Variants in NCKAP5 observed in about 807,000 individuals in gnomAD.
NCKAP5 encodes nck-associated protein 5.
A neutral mutation model predicts 167.0 loss-of-function variants in NCKAP5; 92 were observed. That is an observed-to-expected ratio of 0.55 (90% CI 0.47 to 0.66). The LOEUF (loss-of-function observed/expected upper bound fraction) is 0.66. Ranked by LOEUF, NCKAP5 falls within the 30% of genes least tolerant of loss-of-function variation. NCKAP5 has a pLI of 0.00. For synonymous variants in NCKAP5, 891 were observed against 877.4 expected (o/e 1.02, Z -0.27); for missense variants, 2,378 against 2,315.0 (o/e 1.03, Z -0.56).
intron 6 of NCKAP5, among the ~76,000 whole-genome samples, chr2:133,044,292 A>G (rs1162691426): frequency 1.3e-5 from 2 of 152,196 alleles, no homozygotes; most frequent in East Asian, 3.8e-4. Flanking sequence ...ACGCAAATAA[A>G]AACATCAAAA....
At chr2:132,762,616 C>A (rs2104868077) in intron 16 of NCKAP5, among the ~76,000 whole-genome samples, 1 of 152,278 alleles carries the variant, frequency 6.6e-6, no homozygotes, top group Admixed American at 6.5e-5. Context: ...TAATTCACGC[C>A]ACCTCGTAGG....
At chr2:133,217,453 T>C (rs951225217) in intron 4 of NCKAP5, among the ~76,000 whole-genome samples, 1 of 152,140 alleles carries the variant, frequency 6.6e-6, no homozygotes, top group African/African-American at 2.4e-5. Context: ...GATATTTAAC[T>C]TCTCATCTAA....
chr2:132,830,748 G>T (rs1687464981), intron 11 of NCKAP5, among the ~76,000 whole-genome samples: 1 of 152,178 alleles, frequency 6.6e-6, no homozygotes, highest in Non-Finnish European at 1.5e-5. Context: ...ACAAAAGGCA[G>T]TAATTTTCAA....
chr2:133,474,135 T>TCTATCTATCTAG (rs1170636141), intron 3 of NCKAP5, among the ~76,000 whole-genome samples: 4 of 146,156 alleles, frequency 2.7e-5, no homozygotes, highest in African/African-American at 1.1e-4. Context: ...TATCTATCTA[T>TCTATCTATCTAG]CTATCTATCT....
At chr2:133,273,665 A>T (rs1329300179) in intron 4 of NCKAP5, among the ~76,000 whole-genome samples, 1 of 152,054 alleles carries the variant, frequency 6.6e-6, no homozygotes, top group Non-Finnish European at 1.5e-5. Context: ...AAAATTCTTA[A>T]GAAAACTTAA....
At chr2:132,792,994 C>T (rs765690312) in intron 12 of NCKAP5, among the ~76,000 whole-genome samples, 15 of 151,888 alleles carry the variant, frequency 9.9e-5, no homozygotes, top group Admixed American at 2.0e-4. Context: ...TTGAGATGCT[C>T]TGTTTTGTTT....
chr2:133,054,249 A>G lies in NCKAP5; in HGVS notation c.342-60010T>C, dbSNP rs868642161. On this transcript the variant is annotated intron_variant, in intron 6 of 19. Transcript: ENST00000409261. ...TGATGGAGATCACACCTTGTTTAAT[A>G]AAGTATTAGCAATATGATGGTATGT... is the stretch of plus-strand genomic sequence containing the variant. Among the ~76,000 whole-genome samples, 23 of 152,350 alleles carry G rather than the reference A, an allele frequency of 1.5e-4. No homozygotes were observed. In the Middle Eastern group the frequency reaches 0.01, roughly 68 times the overall value.
intron 19 of NCKAP5, among the ~76,000 whole-genome samples, chr2:132,700,564 C>A (rs1359126913): frequency 3.9e-5 from 6 of 152,138 alleles, no homozygotes; most frequent in Admixed American, 3.9e-4. Flanking sequence ...TTTCCCAGCA[C>A]CATTTATTAA....
intron 10 of NCKAP5, among the ~76,000 whole-genome samples, chr2:132,861,933 C>T (rs1294083963): frequency 1.3e-5 from 2 of 152,232 alleles, no homozygotes; most frequent in East Asian, 3.8e-4. Context: ...CAATGCCACA[C>T]ATAGTAGGAG....
chr2:132,689,925 T>C (rs941035660), intron 19 of NCKAP5, among the ~76,000 whole-genome samples: 1 of 152,220 alleles, frequency 6.6e-6, no homozygotes, highest in Non-Finnish European at 1.5e-5. Context: ...TATTCCTTAG[T>C]ATCTGCAGCT....
At chr2:133,598,310 G>T in the NCKAP5 span, among the ~76,000 whole-genome samples, 1 of 152,168 alleles carries the variant, frequency 6.6e-6, no homozygotes, top group Non-Finnish European at 1.5e-5. Flanking sequence ...CACACTGTAG[G>T]CTCATGGGTC....
chr2:133,034,583 A>C (rs1297189184), intron 6 of NCKAP5, among the ~76,000 whole-genome samples: 2 of 152,174 alleles, frequency 1.3e-5, no homozygotes, highest in African/African-American at 2.4e-5. Flanking sequence ...TAGTACAATA[A>C]GATGTAAATA....
At chr2:133,441,047 C>T (rs1344083384) in intron 3 of NCKAP5, among the ~76,000 whole-genome samples, 1 of 151,688 alleles carries the variant, frequency 6.6e-6, no homozygotes, top group Non-Finnish European at 1.5e-5. Context: ...TATTAGAAAA[C>T]ACAGGATTAT....
the NCKAP5 span, among the ~76,000 whole-genome samples, chr2:133,631,299 C>A: frequency 6.6e-6 from 1 of 152,268 alleles, no homozygotes; most frequent in African/African-American, 2.4e-5. Context: ...CTGGGAAGAC[C>A]TTCCCCAGTT....
intron 6 of NCKAP5, among the ~76,000 whole-genome samples, chr2:133,050,609 A>G (rs888426864): frequency 6.6e-6 from 1 of 152,244 alleles, no homozygotes; most frequent in Non-Finnish European, 1.5e-5. Flanking sequence ...GGAATATAAT[A>G]GATGAAATTG....
chr2:132,826,281 C>T (rs931426451), intron 11 of NCKAP5, among the ~76,000 whole-genome samples: 6 of 152,168 alleles, frequency 3.9e-5, no homozygotes, highest in Admixed American at 3.9e-4. Context: ...CCCACTCTAT[C>T]ACAAAGGCAT....
intron 11 of NCKAP5, among the ~76,000 whole-genome samples, chr2:132,850,598 T>C (rs1233556221): frequency 6.6e-6 from 1 of 152,026 alleles, no homozygotes; most frequent in Non-Finnish European, 1.5e-5. Context: ...TCAATGTAAC[T>C]ACAAGGTATC....
At chr2:132,874,899 ATTTT>A in intron 9 of NCKAP5, among the ~76,000 whole-genome samples, 1 of 44,352 alleles carries the variant, frequency 2.3e-5, no homozygotes, top group East Asian at 4.5e-3. Flanking sequence ...GATATGGTTT[ATTTT>A]ATTTTATTTT....
intron 7 of NCKAP5, among the ~76,000 whole-genome samples, chr2:132,979,890 C>G (rs1238183927): frequency 6.6e-6 from 1 of 152,146 alleles, no homozygotes; most frequent in Admixed American, 6.5e-5. Flanking sequence ...AAAATGAGAT[C>G]ACAGCCATGA....
Sources: gnomAD v4.1 joint callset for allele counts (sites outside exome capture counted in the v4.1 genomes callset) on GRCh38, gnomAD v4.1.1 for gene constraint, MANE v1.5 for transcripts, NCBI Gene and HGNC (gene_info 2026-07-23, HGNC 2026-07-21) for gene names.